The following LPA variants were observed in gnomAD, a reference collection of about 807,000 sequenced individuals.
LPA encodes the protein apolipoprotein(a).
LPA carries 199 observed loss-of-function variants against 197.9 expected under a neutral mutation model. That is an observed-to-expected ratio of 1.01 (90% CI 0.90 to 1.13). The LOEUF is 1.13. LPA is among the 50% of genes most tolerant of loss of function. The probability of loss-of-function intolerance (pLI) is 0.00; values close to 1 mark genes in which losing one functional copy is unlikely to be tolerated. For synonymous variants in LPA, 715 were observed against 639.5 expected, an observed-to-expected ratio of 1.12 and a Z score of -1.78; for missense variants, 1,853 against 1,785.8, an observed-to-expected ratio of 1.04 and a Z score of -0.68.
intron 30 of LPA, among the ~76,000 whole-genome samples, chr6:160,553,930 T>C (rs1778207233): frequency 7.8e-6 from 1 of 127,472 alleles, no homozygotes; most frequent in Non-Finnish European, 1.6e-5. Flanking sequence ...TCTCTCTCTC[T>C]CTCTCTCTGT....
intron 1 of LPA, among the ~76,000 whole-genome samples, chr6:160,658,718 A>C: frequency 6.6e-6 from 1 of 152,174 alleles, no homozygotes; most frequent in East Asian, 1.9e-4. Context: ...TAGAGTCCTT[A>C]GCATTTTTTG....
Position 160,593,954 on chromosome 6 carries a change from G to C in LPA, c.3629+4C>G. 3 of 1,613,534 alleles carry C rather than the reference G, an allele frequency of 1.9e-6. No individual in the cohort carries two copies. Among genetic ancestry groups the C allele is most frequent in the Non-Finnish European group, 2.5e-6 (3 of 1,179,710 alleles). On this transcript the variant is annotated splice_donor_region_variant and intron_variant, in intron 22 of 38. Transcript: ENST00000316300. ...CTGTCTTTGAAGAAAACTCAAGGTTGTACCCATTTGGATAATATTCTGTTG... is the reference window on the plus strand; with the variant it reads ...CTGTCTTTGAAGAAAACTCAAGGTTCTACCCATTTGGATAATATTCTGTTG...
At chr6:160,565,178 T>C (rs1483514926) in intron 28 of LPA, among the ~76,000 whole-genome samples, 1 of 152,120 alleles carries the variant, frequency 6.6e-6, no homozygotes, top group Non-Finnish European at 1.5e-5. Flanking sequence ...AGAGTAGTGG[T>C]TCTCCCAGCA....
At position 160,545,469 on chromosome 6, in the gene LPA, AG is replaced by A; in HGVS notation, c.5368del (p.Leu1790PhefsTer32). 5 of 1,612,766 alleles carry A rather than the reference AG, an allele frequency of 3.1e-6. No individual in the cohort carries two copies. In the South Asian group the frequency reaches 3.3e-5, roughly 11 times the overall value. On this transcript the variant is annotated frameshift_variant, in exon 33 of 39. Coordinates refer to ENST00000316300, the MANE Select transcript of LPA (RefSeq NM_005577.4). LOFTEE classifies it high-confidence loss of function. ...PWCYTMNPRK[L>X]FDYCDIPLCA... ...GAGAGGGATATCACAGTAGTCAAAA[AG>A]TTTTCTTGGATTCATTGTGTAGCAC... is the stretch of plus-strand genomic sequence containing the variant.
At chr6:160,576,682 GTGTGTGTGTATATA>G (rs1254602113) in intron 28 of LPA, among the ~76,000 whole-genome samples, 8 of 94,938 alleles carry the variant, frequency 8.4e-5, no homozygotes, top group African/African-American at 3.3e-4. Flanking sequence ...GTGTGTGTGT[GTGTGTGTGTATATA>G]TATATATATA....
intron 34 of LPA, among the ~76,000 whole-genome samples, chr6:160,541,991 A>T (rs943432877): frequency 2.0e-5 from 3 of 152,196 alleles, no homozygotes; most frequent in African/African-American, 7.2e-5. Flanking sequence ...GGAGAACAGC[A>T]ATTGAGCACA....
At chr6:160,603,464 G>A (rs889595292) in intron 18 of LPA, among the ~76,000 whole-genome samples, 3 of 151,854 alleles carry the variant, frequency 2.0e-5, no homozygotes, top group Non-Finnish European at 1.5e-5. Context: ...AATTTAATTT[G>A]GCTCTTCTAT....
intron 38 of LPA, among the ~76,000 whole-genome samples, 161 bp downstream of exon 38, chr6:160,532,370 A>G (rs2114991223): frequency 6.6e-6 from 1 of 152,252 alleles, no homozygotes; most frequent in African/African-American, 2.4e-5. Context: ...GATGATCTGA[A>G]TATGCATTCA....
intron 17 of LPA, 87 bp from the exon 18 acceptor site, chr6:160,605,292 G>T (rs1187322845): frequency 2.7e-6 from 4 of 1,495,736 alleles, no homozygotes; most frequent in Admixed American, 1.7e-5. Flanking sequence ...CCAGAAAAAA[G>T]TCTCTGAGAA....
intron 27 of LPA, among the ~76,000 whole-genome samples, chr6:160,577,645 T>C (rs1778709466): frequency 6.6e-6 from 1 of 152,024 alleles, no homozygotes; most frequent in African/African-American, 2.4e-5. Flanking sequence ...CTGTAGGAGG[T>C]GACTGGTGGT....
intron 35 of LPA, among the ~76,000 whole-genome samples, chr6:160,540,617 G>T (rs1372886564): frequency 6.6e-6 from 1 of 152,114 alleles, no homozygotes; most frequent in African/African-American, 2.4e-5. Flanking sequence ...TCCTGCTCTG[G>T]CCATGTGACA....
chr6:160,547,678 G>A (rs988561348), intron 32 of LPA, 111 bp downstream of exon 32: 2 of 1,471,176 alleles, frequency 1.4e-6, no homozygotes, highest in East Asian at 2.3e-5. Flanking sequence ...TCCATGCTAA[G>A]GCTAATTACG....
chr6:160,647,278 G>T (rs182852017), intron 2 of LPA, among the ~76,000 whole-genome samples: 2 of 152,280 alleles, frequency 1.3e-5, no homozygotes, highest in East Asian at 1.9e-4. Context: ...TGAATTAGGA[G>T]GCAAAGCAGC....
At position 160,595,658 on chromosome 6, in the gene LPA, C is replaced by A. The variant is rs191725105; in HGVS notation, c.3288-123G>T. The A allele has an allele frequency of 9.3e-4, 1,288 of 1,386,108 alleles. 4 individuals are homozygous for A. Among genetic ancestry groups the A allele is most frequent in the Admixed American group, 1.2e-3 (66 of 53,232 alleles). 85.9% of individuals were successfully genotyped at this position (1,386,108 alleles called of 1,614,324 possible). A position where few individuals can be genotyped will look rare whatever the true frequency, so the allele number is the denominator to read the frequency against. On this transcript the variant is annotated intron_variant, in intron 20 of 38. Transcript: ENST00000316300. ...ACTTTGAAATATTTTCACTAAAGGT[C>A]CCATAATATGCACAAATGGTCCTCA... is the stretch of plus-strand genomic sequence containing the variant.
At chr6:160,584,742 G>A (rs1778875188) in intron 26 of LPA, among the ~76,000 whole-genome samples, 1 of 152,174 alleles carries the variant, frequency 6.6e-6, no homozygotes, top group South Asian at 2.1e-4. Flanking sequence ...TGGACCTTTA[G>A]TGGGCATTGT....
At chr6:160,663,572 T>C (rs41269850) in intron 1 of LPA, among the ~76,000 whole-genome samples, 1,791 of 152,318 alleles carry the variant, frequency 0.012, 39 homozygotes, top group African/African-American at 0.042. Context: ...CCTAACCCAC[T>C]CAACAAATAC....
At chr6:160,531,932 C>G (rs760289338) in intron 38 of LPA, 42 bp from the exon 39 acceptor site, 1 of 1,608,190 alleles carries the variant, frequency 6.2e-7, no homozygotes, top group Non-Finnish European at 8.5e-7. Context: ...CTTTAAGCTG[C>G]CAACCTTTTA....
intron 20 of LPA, among the ~76,000 whole-genome samples, chr6:160,598,324 T>C (rs1779171647): frequency 6.6e-6 from 1 of 152,196 alleles, no homozygotes; most frequent in Admixed American, 6.5e-5. Flanking sequence ...AAGTCCATTC[T>C]TACTCTTAGC....
At chr6:160,609,558 G>A (rs1313978473) in intron 16 of LPA, among the ~76,000 whole-genome samples, 6 of 151,826 alleles carry the variant, frequency 4.0e-5, no homozygotes, top group Non-Finnish European at 8.8e-5. Flanking sequence ...GATCCCTTTA[G>A]TTTCATGAAT....
Sources: allele counts gnomAD v4.1 joint callset (sites outside exome capture counted in the v4.1 genomes callset), GRCh38; gene constraint gnomAD v4.1.1; transcripts MANE v1.5; gene names NCBI Gene and HGNC (gene_info 2026-07-23, HGNC 2026-07-21).